The following CCDC150 variants were observed in gnomAD, a reference collection of about 807,000 sequenced individuals.
CCDC150 encodes the protein coiled-coil domain containing 150.
CCDC150 carries 151 observed loss-of-function variants against 156.5 expected under a neutral mutation model. The ratio of observed to expected loss-of-function variants is 0.97; its 90% CI spans 0.85 to 1.10. The LOEUF (loss-of-function observed/expected upper bound fraction) is 1.10. CCDC150 is among the 50% of genes least tolerant of loss of function. The probability of loss-of-function intolerance (pLI) is 0.00; values close to 1 mark genes in which losing one functional copy is unlikely to be tolerated. For missense variants in CCDC150, 1,312 were observed against 1,268.1 expected, an observed-to-expected ratio of 1.03 and a Z score of -0.53; for synonymous variants, 452 against 429.4, an observed-to-expected ratio of 1.05 and a Z score of -0.65.
rs577645669 is a variant in CCDC150, at chr2:196,676,643, C to A, written c.1352C>A (p.Ser451Ter). ...GCTGTGCAAAAAGAGCTGCTAGAAT[C>A]AACTATTGCAAGATTGCGAGGTGAA... The part of the protein sequence containing the change: ...RTAVQKELLE[S>*]TIARLRGELE... Residue 451 changes from serine to a stop codon, truncating the protein, a stop_gained, in exon 12 of 28, where the codon TCA (serine) becomes TAA (stop). Coordinates refer to ENST00000389175, the MANE Select transcript of CCDC150 (RefSeq NM_001080539.2). LOFTEE classifies it high-confidence loss of function. 1.4e-5 allele frequency: 22 copies of A among 1,613,652 alleles called. No individual in the cohort carries two copies. In the African/African-American group the frequency reaches 2.8e-4, roughly 21 times the overall value.
intron 15 of CCDC150, among the ~76,000 whole-genome samples, chr2:196,711,082 G>A (rs925015959): frequency 6.6e-6 from 1 of 152,154 alleles, no homozygotes; most frequent in Admixed American, 6.5e-5. Context: ...CCTTAATTTA[G>A]AAGTTAGGTA....
intron 13 of CCDC150, among the ~76,000 whole-genome samples, chr2:196,686,961 A>G (rs529702109): frequency 9.0e-4 from 137 of 152,296 alleles, no homozygotes; most frequent in Non-Finnish European, 1.6e-3. Flanking sequence ...ATGGCTGCAT[A>G]GTATTCCATG....
chr2:196,668,738 A>G (rs992744147), intron 7 of CCDC150, among the ~76,000 whole-genome samples: 1 of 152,216 alleles, frequency 6.6e-6, no homozygotes, highest in Non-Finnish European at 1.5e-5. Context: ...TATAGTACTT[A>G]AGATGAATAA....
chr2:196,705,356 T>G (rs1366397512), intron 15 of CCDC150, among the ~76,000 whole-genome samples: 1 of 152,260 alleles, frequency 6.6e-6, no homozygotes, highest in African/African-American at 2.4e-5. Context: ...TGCCTTCTTT[T>G]GAAAACTGTC....
chr2:196,657,145 C>G lies in CCDC150; in HGVS notation c.576+9C>G. ...TTGCCTCGCAGACAAAGGTTTGAGT[C>G]TAAGAGTTCTGAAGTATAAACACAC... On this transcript the variant is annotated intron_variant, in intron 4 of 27. Transcript: ENST00000389175. 6.2e-7 allele frequency: 1 copy of G among 1,613,082 alleles called. No homozygotes were observed. Among genetic ancestry groups the G allele is most frequent in the Non-Finnish European group, 8.5e-7 (1 of 1,179,360 alleles).
At chr2:196,692,001 A>G (rs185823393) in intron 13 of CCDC150, among the ~76,000 whole-genome samples, 8 of 150,688 alleles carry the variant, frequency 5.3e-5, no homozygotes, top group East Asian at 2.0e-4. Flanking sequence ...TTGTGTCTCT[A>G]TCTCCTTCAG....
At chr2:196,690,557 G>A (rs1220023632) in intron 13 of CCDC150, among the ~76,000 whole-genome samples, 2 of 151,576 alleles carry the variant, frequency 1.3e-5, no homozygotes, top group East Asian at 1.9e-4. Flanking sequence ...TTCTAGATAA[G>A]CTGATAAGAG....
intron 21 of CCDC150, among the ~76,000 whole-genome samples, chr2:196,722,238 A>C (rs1054796735): frequency 6.6e-6 from 1 of 152,162 alleles, no homozygotes; most frequent in African/African-American, 2.4e-5. Context: ...ATTTATACTT[A>C]AGGGAAATGC....
intron 5 of CCDC150, among the ~76,000 whole-genome samples, chr2:196,662,785 A>G (rs1212245002): frequency 1.3e-5 from 2 of 152,158 alleles, no homozygotes; most frequent in East Asian, 3.8e-4. Flanking sequence ...GAAAAAAGAA[A>G]AAAAGCCAGG....
At chr2:196,639,968 G>C (rs529758645) in intron 1 of CCDC150, among the ~76,000 whole-genome samples, 190 bp downstream of exon 1, 3 of 152,200 alleles carry the variant, frequency 2.0e-5, no homozygotes, top group African/African-American at 7.2e-5. Flanking sequence ...ATTTAGGAGC[G>C]AAGTTTGCAT....
At chr2:196,726,201 C>T in intron 22 of CCDC150, 102 bp downstream of exon 22, 1 of 1,342,532 alleles carries the variant, frequency 7.4e-7, no homozygotes, top group East Asian at 2.4e-5. Flanking sequence ...CTCCTCTCAT[C>T]CCCCTTTGAT....
chr2:196,656,882 G>T (rs774151984), intron 3 of CCDC150, 29 bp downstream of exon 3: 2 of 1,611,384 alleles, frequency 1.2e-6, no homozygotes, highest in East Asian at 2.2e-5. Flanking sequence ...TCAGAAATGT[G>T]GTCCTGTATA....
In CCDC150 at chr2:196,657,211, G is replaced by A. The variant is rs776454668; in HGVS notation, c.576+75G>A. 791 of 1,412,208 alleles carry A rather than the reference G, an allele frequency of 5.6e-4. 1 individual carries two copies. The highest frequency in any genetic ancestry group is 7.4e-4 in the Non-Finnish European group (759 of 1,024,880). 87.5% of individuals were successfully genotyped at this position (1,412,208 alleles called of 1,614,324 possible). On this transcript the variant is annotated intron_variant, in intron 4 of 27. Transcript: ENST00000389175. ...GGAGGAGGTAACAGACCTATGACGCGACTTTTAAAAATAGGTGATGTTGAT... is the reference window on the plus strand; with the variant it reads ...GGAGGAGGTAACAGACCTATGACGCAACTTTTAAAAATAGGTGATGTTGAT...
chr2:196,676,296 C>T (rs779960495), intron 11 of CCDC150, 29 bp downstream of exon 11: 15 of 1,610,292 alleles, frequency 9.3e-6, no homozygotes, highest in Non-Finnish European at 1.2e-5. Context: ...ACTTCTTATA[C>T]ATCTTTTGTT....
intron 13 of CCDC150, among the ~76,000 whole-genome samples, chr2:196,691,217 C>T (rs1052112011): frequency 2.6e-5 from 4 of 152,144 alleles, no homozygotes; most frequent in Non-Finnish European, 5.9e-5. Flanking sequence ...TGCTGCTGGC[C>T]TCATAGAATA....
chr2:196,668,819 CAT>C (rs1367920946), intron 7 of CCDC150, among the ~76,000 whole-genome samples: 1 of 152,118 alleles, frequency 6.6e-6, no homozygotes, highest in African/African-American at 2.4e-5. Context: ...TTCCCGAAGT[CAT>C]ATAGTTCATC....
At chr2:196,712,857 C>A in intron 17 of CCDC150, 118 bp downstream of exon 17, 2 of 755,232 alleles carry the variant, frequency 2.6e-6, no homozygotes, top group Non-Finnish European at 4.4e-6. Flanking sequence ...ATAACAAAAA[C>A]ATTTAGTGAA....
intron 21 of CCDC150, among the ~76,000 whole-genome samples, 200 bp from the exon 22 acceptor site, chr2:196,725,773 G>GT (rs974857563): frequency 4.6e-5 from 7 of 152,198 alleles, no homozygotes; most frequent in African/African-American, 1.7e-4. Flanking sequence ...TAGAATTAAT[G>GT]TTTTTTAATG....
At chr2:196,732,325 A>G (rs1455595034) in intron 27 of CCDC150, 121 bp from the exon 28 acceptor site, 7 of 1,129,686 alleles carry the variant, frequency 6.2e-6, no homozygotes, top group Non-Finnish European at 7.8e-6. Context: ...ACCTGTCACA[A>G]ACTTTTTAGA....
Sources: gnomAD v4.1 joint callset for allele counts (sites outside exome capture counted in the v4.1 genomes callset) on GRCh38, gnomAD v4.1.1 for gene constraint, MANE v1.5 for transcripts, NCBI Gene and HGNC (gene_info 2026-07-23, HGNC 2026-07-21) for gene names.